NHSL2: variants seen among roughly 807,000 people sequenced by gnomAD.
The protein encoded by NHSL2 is NHS like 2, also known as NHS-like protein 2.
A neutral mutation model predicts 53.4 loss-of-function variants in NHSL2; 27 were observed. The observed-to-expected ratio is 0.51, with a 90% CI of 0.37 to 0.70. The LOEUF (loss-of-function observed/expected upper bound fraction) is 0.70, where lower values mean the gene tolerates loss of function less well. Among genes scored for constraint, NHSL2 ranks in the 30% least tolerant of loss-of-function variants. The pLI is 0.00. For synonymous variants in NHSL2, 408 were observed against 404.1 expected, an observed-to-expected ratio of 1.01 and a Z score of -0.12; for missense variants, 892 against 980.1, an observed-to-expected ratio of 0.91 and a Z score of 1.20.
intron 1 of NHSL2, among the ~76,000 whole-genome samples, chrX:72,082,960 G>GT (rs1311290074): frequency 3.6e-5 from 4 of 111,730 alleles, no homozygotes; most frequent in Admixed American, 1.9e-4. Flanking sequence ...CTATACTATT[G>GT]TTTTTTTTCA....
At chrX:72,131,594 C>G (rs1171380328) in intron 1 of NHSL2, 1 of 1,104,049 alleles carries the variant, frequency 9.1e-7, no homozygotes, top group East Asian at 3.1e-5. Context: ...GGAACTGGAA[C>G]TACGGGCGGC....
chrX:71,964,001 A>ATATG (rs2041884525), intron 1 of NHSL2, among the ~76,000 whole-genome samples: 5 of 7,764 alleles, frequency 6.4e-4, no homozygotes, highest in African/African-American at 1.4e-3. Flanking sequence ...ATGTATATAC[A>ATATG]TATATATATG....
At chrX:71,991,148 G>C (rs1338881511) in intron 1 of NHSL2, among the ~76,000 whole-genome samples, 1 of 112,874 alleles carries the variant, frequency 8.9e-6, no homozygotes, top group Non-Finnish European at 1.9e-5. Flanking sequence ...CAAACTTGCA[G>C]CTCTTGGGCC....
chrX:71,912,254 CTCTG>C (rs2041607906), intron 1 of NHSL2, among the ~76,000 whole-genome samples: 1 of 112,126 alleles, frequency 8.9e-6, no homozygotes, highest in Non-Finnish European at 1.9e-5. Flanking sequence ...ACGGGGAATC[CTCTG>C]TCTGTGGAAA....
At chrX:71,979,775 A>T (rs1439146482) in intron 1 of NHSL2, among the ~76,000 whole-genome samples, 3 of 110,877 alleles carry the variant, frequency 2.7e-5, no homozygotes, top group African/African-American at 6.6e-5. Context: ...ATTAGATCCC[A>T]TTTGTCAATT....
chrX:71,982,011 TA>T (rs775622975), intron 1 of NHSL2, among the ~76,000 whole-genome samples: 5 of 111,310 alleles, frequency 4.5e-5, no homozygotes, highest in African/African-American at 1.3e-4. Context: ...TATGTCCCCA[TA>T]AAAAAAAGCT....
chrX:72,051,645 C>T (rs1230127601), intron 1 of NHSL2, among the ~76,000 whole-genome samples: 1 of 111,557 alleles, frequency 9.0e-6, no homozygotes, highest in Non-Finnish European at 1.9e-5. Context: ...AACATGTTCC[C>T]GATCTACTCC....
chrX:71,942,970 CTCTG>C (rs1390973407), intron 1 of NHSL2, among the ~76,000 whole-genome samples: 400 of 17,056 alleles, frequency 0.023, 2 homozygotes, highest in African/African-American at 0.06. Flanking sequence ...CTCTCTCTCT[CTCTG>C]TGTGTGTGTG....
At chrX:72,016,662 A>G (rs947192539) in intron 1 of NHSL2, among the ~76,000 whole-genome samples, 4 of 104,123 alleles carry the variant, frequency 3.8e-5, no homozygotes, top group Non-Finnish European at 7.6e-5. Context: ...CCCATCCCCA[A>G]CACACACACA....
intron 4 of NHSL2, among the ~76,000 whole-genome samples, chrX:72,135,095 G>A (rs1306719409): frequency 1.8e-5 from 2 of 111,779 alleles, no homozygotes; most frequent in Admixed American, 1.9e-4. Context: ...GATAAGAGTC[G>A]GAGCAGGAGA....
intron 1 of NHSL2, among the ~76,000 whole-genome samples, chrX:72,032,694 A>G (rs1197220561): frequency 9.0e-6 from 1 of 110,884 alleles, no homozygotes; most frequent in Non-Finnish European, 1.9e-5. Context: ...CCTCATCTCT[A>G]CTAAAAATAC....
intron 1 of NHSL2, among the ~76,000 whole-genome samples, chrX:72,011,576 A>G (rs1213950015): frequency 9.0e-6 from 1 of 111,167 alleles, no homozygotes; most frequent in Non-Finnish European, 1.9e-5. Flanking sequence ...AGGCTGAGGC[A>G]GGAGAATTGC....
At chrX:72,100,284 C>T (rs1193182163) in intron 1 of NHSL2, among the ~76,000 whole-genome samples, 1 of 112,017 alleles carries the variant, frequency 8.9e-6, no homozygotes, top group Non-Finnish European at 1.9e-5. Flanking sequence ...TGCTGCACAC[C>T]TAGGCTATAT....
intron 1 of NHSL2, among the ~76,000 whole-genome samples, chrX:72,062,367 A>G (rs2042403853): frequency 8.9e-6 from 1 of 112,592 alleles, no homozygotes; most frequent in Non-Finnish European, 1.9e-5. Flanking sequence ...TGATTAGCAC[A>G]GTAGTACATA....
chrX:72,082,891 A>G (rs2041804849), intron 1 of NHSL2, among the ~76,000 whole-genome samples: 1 of 111,954 alleles, frequency 8.9e-6, no homozygotes, highest in Admixed American at 9.4e-5. Flanking sequence ...CTTCTCCCAC[A>G]TTCTGTACTC....
rs1366148359 is a variant in NHSL2, at chrX:72,143,635, A to G, written c.*61A>G. 1.3e-6 allele frequency: 1 copy of G among 757,045 alleles called. No individual in the cohort carries two copies. The highest frequency in any genetic ancestry group is 1.9e-6 in the Non-Finnish European group (1 of 528,183). The allele number at this position is 757,045 out of a possible 1,213,427, so 62.4% of individuals were successfully genotyped here. The stretch of plus-strand genomic sequence containing the variant: ...CTTGAGTAGAGAAGGGGGAAGAGAA[A>G]GGGTCTTTAAACAGAACCATGGGAA... On this transcript the variant is annotated 3_prime_UTR_variant, in exon 8 of 8. Transcript: ENST00000633930.
intron 1 of NHSL2, among the ~76,000 whole-genome samples, chrX:72,031,293 T>G (rs201250077): frequency 1.8e-5 from 2 of 111,432 alleles, no homozygotes; most frequent in East Asian, 5.6e-4. Context: ...CCTACACACC[T>G]GTTTTGGATC....
At chrX:71,986,839 A>T (rs1325377162) in intron 1 of NHSL2, among the ~76,000 whole-genome samples, 1 of 111,779 alleles carries the variant, frequency 8.9e-6, no homozygotes, top group Non-Finnish European at 1.9e-5. Context: ...CTTTAATTTG[A>T]GCGAATATGT....
rs1036829532 is a variant in NHSL2 at position 72,142,619 on chromosome X, G to A, written c.3356+255G>A. 5.4e-5 allele frequency among the ~76,000 whole-genome samples: 6 copies of A among 110,912 alleles called. No individual in the cohort carries two copies. In the South Asian group the frequency reaches 2.4e-3, roughly 44 times the overall value. On this transcript the variant is annotated intron_variant, in intron 7 of 7. Transcript: ENST00000633930. ...GTTGGGTAAAGTGGAGGAAGGGAGG[G>A]GAGAGGAGGACCAGGTGCCGAGTGA...
Sources: allele counts gnomAD v4.1 joint callset (sites outside exome capture counted in the v4.1 genomes callset), GRCh38; gene constraint gnomAD v4.1.1; transcripts MANE v1.5; gene names NCBI Gene and HGNC (gene_info 2026-07-23, HGNC 2026-07-21).